The following PIERCE2 variants were observed in gnomAD, a reference collection of about 807,000 sequenced individuals.
PIERCE2 encodes the protein piercer of microtubule wall 2 protein.
chr15:55,416,262 C>T, the PIERCE2 span, among the ~76,000 whole-genome samples: 2 of 151,996 alleles, frequency 1.3e-5, no homozygotes, highest in African/African-American at 2.4e-5. Flanking sequence ...CCACCACAAC[C>T]AGCTAATTTT....
the PIERCE2 span, among the ~76,000 whole-genome samples, chr15:55,412,048 A>G: frequency 0.037 from 5,424 of 145,066 alleles, 99 homozygotes; most frequent in African/African-American, 0.05. Flanking sequence ...CCAAGATCAC[A>G]CCATTGCACT....
At chr15:55,408,507 A>G in the PIERCE2 span, 3 of 335,324 alleles carry the variant, frequency 8.9e-6, no homozygotes, top group Non-Finnish European at 1.6e-5. Context: ...TCCCCACAAC[A>G]TCCGGGAGCC....
the PIERCE2 span, among the ~76,000 whole-genome samples, chr15:55,416,227 G>A: frequency 0.011 from 1,648 of 152,036 alleles, 11 homozygotes; most frequent in Non-Finnish European, 0.018. Flanking sequence ...TCAGCCTCCC[G>A]AGTAGCTGGG....
chr15:55,417,343 G>GT, the PIERCE2 span, among the ~76,000 whole-genome samples: 3 of 151,938 alleles, frequency 2.0e-5, no homozygotes, highest in Non-Finnish European at 4.4e-5. Flanking sequence ...ATCTTAGATT[G>GT]AATGGTACTT....
At chr15:55,410,961 T>C in the PIERCE2 span, 17 of 152,324 alleles carry the variant, frequency 1.1e-4, no homozygotes, top group Non-Finnish European at 2.4e-4. Context: ...ATAAGCAGTT[T>C]CAAAAAGAAT....
chr15:55,415,118 A>G, the PIERCE2 span, among the ~76,000 whole-genome samples: 2 of 152,200 alleles, frequency 1.3e-5, no homozygotes, highest in Non-Finnish European at 2.9e-5. Flanking sequence ...AAGTACTTCT[A>G]TTAGTATTGT....
chr15:55,417,214 C>T, the PIERCE2 span, among the ~76,000 whole-genome samples: 236 of 152,186 alleles, frequency 1.6e-3, 3 homozygotes, highest in African/African-American at 5.5e-3. Context: ...TCAACAAAAC[C>T]CTAAGAGATC....
chr15:55,411,414 C>T, the PIERCE2 span, among the ~76,000 whole-genome samples: 4 of 152,128 alleles, frequency 2.6e-5, no homozygotes, highest in African/African-American at 4.8e-5. Flanking sequence ...CAATGAGCTG[C>T]GACTGCGCCA....
chr15:55,411,426 T>C, the PIERCE2 span, among the ~76,000 whole-genome samples: 1 of 152,122 alleles, frequency 6.6e-6, no homozygotes, highest in African/African-American at 2.4e-5. Context: ...ACTGCGCCAC[T>C]GCACTCCAGC....
the PIERCE2 span, among the ~76,000 whole-genome samples, chr15:55,412,118 A>T: frequency 7.1e-6 from 1 of 141,118 alleles, no homozygotes; most frequent in Non-Finnish European, 1.5e-5. Context: ...AAAAAAAAAA[A>T]TTGATCCCAT....
the PIERCE2 span, chr15:55,417,839 G>A: frequency 1.4e-5 from 4 of 277,024 alleles, no homozygotes; most frequent in Admixed American, 9.5e-5. Flanking sequence ...AGATAGGGGT[G>A]GGGCCGTTTT....
the PIERCE2 span, among the ~76,000 whole-genome samples, chr15:55,412,528 T>G: frequency 6.6e-6 from 1 of 152,212 alleles, no homozygotes; most frequent in Non-Finnish European, 1.5e-5. Context: ...TGCTTTATAT[T>G]TGATTCATAT....
At chr15:55,409,720 C>A in the PIERCE2 span, among the ~76,000 whole-genome samples, 2 of 151,964 alleles carry the variant, frequency 1.3e-5, no homozygotes, top group Non-Finnish European at 2.9e-5. Flanking sequence ...TTTCATTTAT[C>A]TTTTTAAATG....
the PIERCE2 span, among the ~76,000 whole-genome samples, chr15:55,413,376 C>T: frequency 6.6e-6 from 1 of 152,060 alleles, no homozygotes; most frequent in African/African-American, 2.4e-5. Context: ...CAGTGAACTA[C>T]GATCACTACT....
the PIERCE2 span, among the ~76,000 whole-genome samples, chr15:55,414,949 T>TTTA: frequency 1.3e-5 from 2 of 152,246 alleles, no homozygotes; most frequent in East Asian, 3.9e-4. Flanking sequence ...CAAAGTGAAA[T>TTTA]TTATTAAACA....
the PIERCE2 span, among the ~76,000 whole-genome samples, chr15:55,416,096 TTA>T: frequency 4.5e-3 from 646 of 143,404 alleles, 4 homozygotes; most frequent in African/African-American, 0.016. Flanking sequence ...TTAAACATTG[TTA>T]TATATATAGA....
At chr15:55,413,222 C>T in the PIERCE2 span, among the ~76,000 whole-genome samples, 222 of 150,556 alleles carry the variant, frequency 1.5e-3, 4 homozygotes, top group South Asian at 0.019. Context: ...GAGCCAAGAT[C>T]GCGCCACTGC....
the PIERCE2 span, chr15:55,408,785 G>A: frequency 6.6e-7 from 1 of 1,523,246 alleles, no homozygotes; most frequent in Non-Finnish European, 8.8e-7. Flanking sequence ...GACCGCAACC[G>A]GGTGAGTTTA....
the PIERCE2 span, among the ~76,000 whole-genome samples, chr15:55,413,085 G>A: frequency 6.6e-6 from 1 of 151,910 alleles, no homozygotes; most frequent in Admixed American, 6.6e-5. Context: ...TGGCTAACAC[G>A]GTGAAACCCC....
Sources: allele counts gnomAD v4.1 joint callset (sites outside exome capture counted in the v4.1 genomes callset), GRCh38; gene constraint gnomAD v4.1.1; transcripts MANE v1.5; gene names NCBI Gene and HGNC (gene_info 2026-07-23, HGNC 2026-07-21).